GRID2: variants seen among roughly 807,000 people sequenced by gnomAD.
GRID2 encodes glutamate receptor ionotropic, delta-2.
In GRID2, 33 loss-of-function variants were observed where a neutral mutation model predicts 114.8. The ratio of observed to expected loss-of-function variants is 0.29; its 90% CI spans 0.22 to 0.38. GRID2 has a LOEUF of 0.38. Among genes scored for constraint, GRID2 ranks in the 10% least tolerant of loss-of-function variants. The pLI is 1.00. For synonymous variants in GRID2, 505 were observed against 449.9 expected, an observed-to-expected ratio of 1.12 and a Z score of -1.55; for missense variants, 1,184 against 1,257.7, an observed-to-expected ratio of 0.94 and a Z score of 0.89.
chr4:92,966,488 C>T (rs1753166003), intron 2 of GRID2, among the ~76,000 whole-genome samples: 1 of 151,836 alleles, frequency 6.6e-6, no homozygotes, highest in South Asian at 2.1e-4. Flanking sequence ...TTGGCTGTGT[C>T]CCCACCCAAA....
At chr4:92,829,195 G>T (rs1232712420) in intron 2 of GRID2, among the ~76,000 whole-genome samples, 1 of 152,068 alleles carries the variant, frequency 6.6e-6, no homozygotes, top group Non-Finnish European at 1.5e-5. Context: ...TTTTGTATAA[G>T]GTGTAAGGAA....
At chr4:93,089,009 T>G (rs1178999547) in intron 3 of GRID2, among the ~76,000 whole-genome samples, 1 of 152,112 alleles carries the variant, frequency 6.6e-6, no homozygotes, top group Non-Finnish European at 1.5e-5. Context: ...TTTACATGTA[T>G]TATCTCGTTT....
intron 14 of GRID2, among the ~76,000 whole-genome samples, chr4:93,696,864 T>C (rs1305115599): frequency 6.6e-6 from 1 of 152,150 alleles, no homozygotes; most frequent in Non-Finnish European, 1.5e-5. Context: ...AATTGTAGTA[T>C]TTTACGCGTA....
intron 2 of GRID2, among the ~76,000 whole-genome samples, chr4:93,063,246 G>A (rs1727964720): frequency 6.6e-6 from 1 of 151,900 alleles, no homozygotes; most frequent in Non-Finnish European, 1.5e-5. Flanking sequence ...TTGACACTAA[G>A]AGGTGTGCAT....
intron 1 of GRID2, among the ~76,000 whole-genome samples, chr4:92,506,455 G>T (rs1723975011): frequency 6.6e-6 from 1 of 151,882 alleles, no homozygotes; most frequent in Non-Finnish European, 1.5e-5. Flanking sequence ...TTTTAGAAAA[G>T]AAATATATAA....
At chr4:93,051,559 G>A (rs181903272) in intron 2 of GRID2, among the ~76,000 whole-genome samples, 55 of 152,088 alleles carry the variant, frequency 3.6e-4, no homozygotes, top group Admixed American at 2.8e-3. Flanking sequence ...AAAAACATAA[G>A]CATTGAAAAG....
At chr4:93,318,122 T>G (rs1331801099) in intron 8 of GRID2, among the ~76,000 whole-genome samples, 2 of 150,768 alleles carry the variant, frequency 1.3e-5, no homozygotes, top group African/African-American at 4.9e-5. Flanking sequence ...CATGATTTCA[T>G]ATATTATTTT....
At chr4:93,509,598 T>G (rs913643521) in intron 12 of GRID2, among the ~76,000 whole-genome samples, 10 of 152,192 alleles carry the variant, frequency 6.6e-5, no homozygotes, top group African/African-American at 2.4e-4. Flanking sequence ...GAGAAAGAAA[T>G]TGCATTTTGG....
Position 92,590,132 on chromosome 4 carries a change from A to G in GRID2, c.90A>G (p.Gly30=). Residue 30 remains glycine (G), a splice_region_variant and synonymous_variant, in exon 2 of 16, where the codon GGA becomes GGG. Coordinates refer to ENST00000282020, the MANE Select transcript of GRID2 (RefSeq NM_001510.4). ...ATGGCAAAATTCACTTCTTTCTAGG[A>G]GCAATTTTTGATGAATCTGCCAAAA... ...SANADSIIHI[G]AIFDESAKKD... 1 of 1,607,024 alleles carries G rather than the reference A, an allele frequency of 6.2e-7. No individual in the cohort carries two copies. The highest frequency in any genetic ancestry group is 8.5e-7 in the Non-Finnish European group (1 of 1,174,084).
intron 2 of GRID2, among the ~76,000 whole-genome samples, chr4:92,609,435 T>TA (rs34979408): frequency 0.013 from 1,983 of 150,986 alleles, 76 homozygotes; most frequent in East Asian, 0.088. Flanking sequence ...GAGTTAGTAT[T>TA]AAAAAAAATG....
rs535047904 is a variant in GRID2, at chr4:92,684,931, T to TGA, written c.244+94646_244+94647dup. ...AAGTCTTGCAGTATTTTATTTAGAA[T>TGA]GATAGTGTCTGACATGAATGTCTTC... On this transcript the variant is annotated intron_variant, in intron 2 of 15. Coordinates refer to ENST00000282020, the MANE Select transcript of GRID2 (RefSeq NM_001510.4). Among the ~76,000 whole-genome samples the TGA allele has an allele frequency of 1.8e-4, 27 of 152,214 alleles. No homozygotes were observed. In the South Asian group the frequency reaches 5.4e-3, roughly 30 times the overall value.
chr4:92,793,063 TAAAGA>T (rs1186887077), intron 2 of GRID2, among the ~76,000 whole-genome samples: 1 of 151,770 alleles, frequency 6.6e-6, no homozygotes, highest in East Asian at 2.0e-4. Context: ...TTTTATATTT[TAAAGA>T]AAAGAAATTT....
intron 8 of GRID2, among the ~76,000 whole-genome samples, chr4:93,328,806 T>C (rs1042515134): frequency 1.3e-5 from 2 of 152,050 alleles, no homozygotes; most frequent in Non-Finnish European, 2.9e-5. Context: ...GGGAATAATG[T>C]ATATCAGGAT....
intron 4 of GRID2, among the ~76,000 whole-genome samples, chr4:93,126,700 C>T (rs1028064279): frequency 8.2e-5 from 12 of 146,254 alleles, no homozygotes; most frequent in African/African-American, 3.1e-4. Context: ...CAGGTTCACG[C>T]CATTCTCCTG....
At chr4:93,657,236 G>A (rs1454127737) in intron 14 of GRID2, among the ~76,000 whole-genome samples, 5 of 151,760 alleles carry the variant, frequency 3.3e-5, no homozygotes, top group Middle Eastern at 3.2e-3. Flanking sequence ...TACTTCTTAA[G>A]TATTTGTATA....
chr4:92,305,134 G>A (rs1725308508), intron 1 of GRID2, among the ~76,000 whole-genome samples: 1 of 152,086 alleles, frequency 6.6e-6, no homozygotes, highest in African/African-American at 2.4e-5. Flanking sequence ...ATCTTTGGGG[G>A]AGCAGAGAAG....
intron 2 of GRID2, among the ~76,000 whole-genome samples, chr4:93,018,990 A>T (rs934103793): frequency 6.6e-6 from 1 of 152,142 alleles, no homozygotes; most frequent in Non-Finnish European, 1.5e-5. Context: ...ATTTAGTAGT[A>T]TTTTATTTCA....
chr4:92,689,400 A>G (rs1250154709), intron 2 of GRID2, among the ~76,000 whole-genome samples: 1 of 152,122 alleles, frequency 6.6e-6, no homozygotes, highest in Non-Finnish European at 1.5e-5. Context: ...ACCTTCATCT[A>G]TGATCTTAGC....
chr4:92,827,413 A>C (rs1578250229), intron 2 of GRID2, among the ~76,000 whole-genome samples: 1 of 151,842 alleles, frequency 6.6e-6, no homozygotes, highest in African/African-American at 2.4e-5. Flanking sequence ...AAAAAAAAAA[A>C]AAAAAAGGAG....
Sources: allele counts gnomAD v4.1 joint callset (sites outside exome capture counted in the v4.1 genomes callset), GRCh38; gene constraint gnomAD v4.1.1; transcripts MANE v1.5; gene names NCBI Gene and HGNC (gene_info 2026-07-23, HGNC 2026-07-21).